Variants in SMOC2 observed in about 807,000 individuals in gnomAD.
The protein encoded by SMOC2 is SPARC related modular calcium binding 2, also known as SPARC-related modular calcium-binding protein 2.
Under a neutral mutation model 61.4 loss-of-function variants are expected in SMOC2, and 39 were observed. The observed-to-expected ratio is 0.64, with a 90% CI of 0.49 to 0.83. The LOEUF is 0.83. Among genes scored for constraint, SMOC2 ranks in the 40% least tolerant of loss-of-function variants. The pLI is 0.00. For missense variants in SMOC2, 556 were observed against 592.9 expected (o/e 0.94, Z 0.65); for synonymous variants, 247 against 239.9 (o/e 1.03, Z -0.27).
chr6:168,615,099 C>G, intron 9 of SMOC2, among the ~76,000 whole-genome samples: 1 of 77,106 alleles, frequency 1.3e-5, no homozygotes. Context: ...CTCTTCACAC[C>G]TACAGCCAGC....
At chr6:168,526,272 CT>C in intron 2 of SMOC2, 73 bp from the exon 3 acceptor site, 1 of 1,384,564 alleles carries the variant, frequency 7.2e-7, no homozygotes, top group South Asian at 1.2e-5. Context: ...GCCTTCACAT[CT>C]TTCAATGTTC....
At chr6:168,499,434 A>G (rs1782673239) in intron 1 of SMOC2, among the ~76,000 whole-genome samples, 1 of 152,216 alleles carries the variant, frequency 6.6e-6, no homozygotes, top group African/African-American at 2.4e-5. Flanking sequence ...TGCTATCAGT[A>G]AAGGTCGGAG....
At chr6:168,522,469 A>G (rs1239004111) in intron 2 of SMOC2, among the ~76,000 whole-genome samples, 1 of 152,256 alleles carries the variant, frequency 6.6e-6, no homozygotes, top group Non-Finnish European at 1.5e-5. Flanking sequence ...GAATGAATAA[A>G]CAAAATATGG....
At chr6:168,609,097 A>G (rs1314212421) in intron 9 of SMOC2, among the ~76,000 whole-genome samples, 1 of 152,240 alleles carries the variant, frequency 6.6e-6, no homozygotes, top group East Asian at 1.9e-4. Flanking sequence ...CAGTCTATAC[A>G]TGTTTCATTG....
chr6:168,527,838 C>A, intron 4 of SMOC2, 111 bp downstream of exon 4: 2 of 806,576 alleles, frequency 2.5e-6, no homozygotes, highest in South Asian at 1.5e-5. Flanking sequence ...TCCAGTTTGG[C>A]CGGCATTGTG....
intron 12 of SMOC2, among the ~76,000 whole-genome samples, chr6:168,666,004 C>A (rs2115297812): frequency 6.6e-6 from 1 of 150,710 alleles, no homozygotes; most frequent in Non-Finnish European, 1.5e-5. Flanking sequence ...AGTTGGATTT[C>A]TTCTTAAAGA....
At chr6:168,527,063 C>T (rs1297540557) in intron 3 of SMOC2, among the ~76,000 whole-genome samples, 2 of 152,202 alleles carry the variant, frequency 1.3e-5, no homozygotes, top group Non-Finnish European at 2.9e-5. Flanking sequence ...AAAAACAGCA[C>T]GGGTTCTGCA....
At chr6:168,640,453 A>G (rs1464733798) in intron 9 of SMOC2, among the ~76,000 whole-genome samples, 1 of 152,168 alleles carries the variant, frequency 6.6e-6, no homozygotes, top group Admixed American at 6.5e-5. Flanking sequence ...CAGAGCTCAC[A>G]CTAGACTAAC....
chr6:168,473,475 T>C (rs972611323), intron 1 of SMOC2, among the ~76,000 whole-genome samples: 4 of 152,184 alleles, frequency 2.6e-5, no homozygotes, highest in Non-Finnish European at 5.9e-5. Context: ...ACGATACTGT[T>C]ACCTTCTCTC....
chr6:168,503,233 A>G (rs978296245), intron 1 of SMOC2, among the ~76,000 whole-genome samples: 2 of 150,954 alleles, frequency 1.3e-5, no homozygotes, highest in African/African-American at 4.9e-5. Context: ...ACCCACCACC[A>G]TGCCCAGCTA....
chr6:168,481,739 A>C (rs904689936), intron 1 of SMOC2, among the ~76,000 whole-genome samples: 36 of 152,030 alleles, frequency 2.4e-4, no homozygotes, highest in African/African-American at 8.4e-4. Flanking sequence ...AGAATGGATA[A>C]AAAGTTTAAC....
At chr6:168,463,336 C>G (rs1781756181) in intron 1 of SMOC2, among the ~76,000 whole-genome samples, 1 of 152,182 alleles carries the variant, frequency 6.6e-6, no homozygotes, top group African/African-American at 2.4e-5. Context: ...AGAAAGCTAT[C>G]CTGAAGCAGT....
chr6:168,568,775 T>C (rs1048740908), intron 7 of SMOC2, among the ~76,000 whole-genome samples: 7 of 152,222 alleles, frequency 4.6e-5, no homozygotes, highest in African/African-American at 1.4e-4. Context: ...CTGACTCATA[T>C]AGTATGCATC....
intron 9 of SMOC2, among the ~76,000 whole-genome samples, chr6:168,613,742 GGGGCCTCTTCACACCTACAGCCAGCACA>G (rs1562382412): frequency 0.16 from 10,400 of 64,810 alleles, 1,302 homozygotes; most frequent in Non-Finnish European, 0.23. Context: ...GCCAGCACAG[GGGGCCTCTTCACACCTACAGCCAGCACA>G]GGGCCTCTTC....
At chr6:168,569,170 C>T (rs1038215011) in intron 7 of SMOC2, among the ~76,000 whole-genome samples, 1 of 152,190 alleles carries the variant, frequency 6.6e-6, no homozygotes, top group African/African-American at 2.4e-5. Context: ...TCTCAGCCTG[C>T]TTTGTAGCCT....
intron 8 of SMOC2, among the ~76,000 whole-genome samples, chr6:168,606,107 C>T (rs1444552467): frequency 1.3e-5 from 2 of 152,102 alleles, no homozygotes; most frequent in Non-Finnish European, 2.9e-5. Context: ...TAAGAGCTTC[C>T]TAATCCCTCA....
chr6:168,524,504 T>G (rs1356007238), intron 2 of SMOC2, among the ~76,000 whole-genome samples: 1 of 152,222 alleles, frequency 6.6e-6, no homozygotes, highest in East Asian at 1.9e-4. Flanking sequence ...CCACAGGAGT[T>G]TGGAAAACTT....
chr6:168,632,577 G>A (rs530616253), intron 9 of SMOC2, among the ~76,000 whole-genome samples: 13 of 152,246 alleles, frequency 8.5e-5, no homozygotes, highest in South Asian at 2.1e-4. Flanking sequence ...CTTTGGCTTC[G>A]TTGTATTTCA....
chr6:168,469,088 T>C (rs886730485), intron 1 of SMOC2, among the ~76,000 whole-genome samples: 1 of 152,250 alleles, frequency 6.6e-6, no homozygotes, highest in African/African-American at 2.4e-5. Flanking sequence ...CTTCCTGTTC[T>C]TGTTTCTAAT....
Sources: gnomAD v4.1 joint callset for allele counts (sites outside exome capture counted in the v4.1 genomes callset) on GRCh38, gnomAD v4.1.1 for gene constraint, MANE v1.5 for transcripts, NCBI Gene and HGNC (gene_info 2026-07-23, HGNC 2026-07-21) for gene names.